Variants in GCH1 observed in about 807,000 individuals in gnomAD.
GCH1 encodes the protein GTP cyclohydrolase I.
GCH1 carries 5 observed loss-of-function variants against 25.9 expected under a neutral mutation model. The ratio of observed to expected loss-of-function variants is 0.19; its 90% CI spans 0.10 to 0.41. The LOEUF is 0.41. Ranked by LOEUF, GCH1 falls within the 10% of genes least tolerant of loss-of-function variation. The probability of loss-of-function intolerance (pLI) is 1.00; values close to 1 mark genes in which losing one functional copy is unlikely to be tolerated. For missense variants in GCH1, 261 were observed against 336.5 expected (o/e 0.78, Z 1.75); for synonymous variants, 159 against 129.6 (o/e 1.23, Z -1.54).
chr14:54,888,202 G>A (rs1032873095), intron 1 of GCH1, among the ~76,000 whole-genome samples: 8 of 152,146 alleles, frequency 5.3e-5, no homozygotes, highest in African/African-American at 7.2e-5. Flanking sequence ...CTATAGAAAC[G>A]ATTTGCAGGG....
chr14:54,871,441 A>G (rs1267320526), intron 1 of GCH1, among the ~76,000 whole-genome samples: 1 of 152,228 alleles, frequency 6.6e-6, no homozygotes, highest in Non-Finnish European at 1.5e-5. Flanking sequence ...ATCAGAGTGC[A>G]TCTCCTCCTC....
intron 3 of GCH1, among the ~76,000 whole-genome samples, chr14:54,847,510 A>G (rs1406273043): frequency 1.3e-5 from 2 of 152,176 alleles, no homozygotes; most frequent in Non-Finnish European, 2.9e-5. Context: ...CCCAGCCTAC[A>G]TCTTTCTCCA....
At chr14:54,856,717 T>C (rs1002880543) in intron 3 of GCH1, among the ~76,000 whole-genome samples, 1 of 152,160 alleles carries the variant, frequency 6.6e-6, no homozygotes, top group African/African-American at 2.4e-5. Flanking sequence ...CCTCCCAAAG[T>C]GCTGAGATTA....
At chr14:54,848,617 C>T (rs952058161) in intron 3 of GCH1, among the ~76,000 whole-genome samples, 1 of 152,096 alleles carries the variant, frequency 6.6e-6, no homozygotes, top group African/African-American at 2.4e-5. Flanking sequence ...TGGCTCTTCC[C>T]CCAACTACAC....
Position 54,865,425 on chromosome 14 carries a change from C to A in GCH1, c.355G>T (p.Asp119Tyr), listed in dbSNP as rs1221794990. Residue 119 changes from aspartate to tyrosine, a missense_variant, in exon 2 of 6, where the codon GAT (aspartate) becomes TAT (tyrosine). By Grantham distance (160) the Asp-to-Tyr change is radical (BLOSUM62 -3). Transcript: ENST00000491895. ...TCATGATCTTCATCAAATATAGCAT[C>A]GTTTAGGACATCTGAAATCAGAGGC... is the stretch of plus-strand genomic sequence containing the variant. ...YQETISDVLN[D>Y]AIFDEDHDEM... The A allele has an allele frequency of 3.3e-6, 5 of 1,528,736 alleles. No homozygotes were observed. The allele number at this position is 1,528,736 out of a possible 1,614,324, so 94.7% of individuals were successfully genotyped here.
intron 3 of GCH1, among the ~76,000 whole-genome samples, chr14:54,859,032 G>T (rs1358487057): frequency 1.3e-5 from 2 of 152,238 alleles, no homozygotes; most frequent in Admixed American, 1.3e-4. Flanking sequence ...CGTGAACACT[G>T]TATCAGAATA....
At chr14:54,891,455 G>A (rs982734053) in intron 1 of GCH1, among the ~76,000 whole-genome samples, 1 of 144,708 alleles carries the variant, frequency 6.9e-6, no homozygotes, top group African/African-American at 2.6e-5. Flanking sequence ...TGTCACCCAG[G>A]CTGGAATGCA....
chr14:54,849,339 T>TA (rs539195742), intron 3 of GCH1, among the ~76,000 whole-genome samples: 11,433 of 149,132 alleles, frequency 0.077, 611 homozygotes, highest in Non-Finnish European at 0.11. Flanking sequence ...TTCCCTAGAT[T>TA]AAAAAAAAAA....
At chr14:54,900,190 T>C (rs1378711876) in intron 1 of GCH1, among the ~76,000 whole-genome samples, 2 of 150,130 alleles carry the variant, frequency 1.3e-5, no homozygotes, top group Non-Finnish European at 3.0e-5. Context: ...TAGTAAAACT[T>C]GACCAGAACA....
chr14:54,842,900 C>T lies in GCH1; in HGVS notation c.*1117G>A. On this transcript the variant is annotated 3_prime_UTR_variant, in exon 6 of 6. Coordinates refer to ENST00000491895, the MANE Select transcript of GCH1 (RefSeq NM_000161.3). ...CAATGAGGACAAGACCCACATAGAC[C>T]ACAAAGGAAACCGGGACCAGAAGCT... is the stretch of plus-strand genomic sequence containing the variant. 1 of 600,390 alleles carries T rather than the reference C, an allele frequency of 1.7e-6. No individual in the cohort carries two copies. The highest frequency in any genetic ancestry group is 2.4e-5 in the South Asian group (1 of 41,112). The allele number at this position is 600,390 out of a possible 1,614,324, so 37.2% of individuals were successfully genotyped here.
At chr14:54,858,784 C>A (rs536839903) in intron 3 of GCH1, among the ~76,000 whole-genome samples, 1 of 152,050 alleles carries the variant, frequency 6.6e-6, no homozygotes, top group Non-Finnish European at 1.5e-5. Context: ...TAACTTTATA[C>A]GAAGAAACAA....
At chr14:54,853,149 A>G (rs1386941651) in intron 3 of GCH1, among the ~76,000 whole-genome samples, 1 of 152,078 alleles carries the variant, frequency 6.6e-6, no homozygotes, top group Non-Finnish European at 1.5e-5. Context: ...TTTTTAGTAG[A>G]GATGGGGTTT....
rs989328098 is a variant in GCH1, at chr14:54,844,033, G to A, written c.737C>T (p.Thr246Ile). Residue 246 changes from threonine (T) to isoleucine (I), a missense_variant, in exon 6 of 6, where the codon ACT becomes ATT. Thr to Ile is a moderately conservative substitution (Grantham distance 89, BLOSUM62 -1). Around this residue, in one of 3 missense-constraint regions of GCH1, gnomAD observed 130 missense variants for 184.1 expected, o/e 0.71. Coordinates refer to ENST00000491895, the MANE Select transcript of GCH1 (RefSeq NM_000161.3). ...GAATGAAGCTCAGCTCCTAATGAGA[G>A]TCAGGAACTCTTCCCGAGTCTTTGG... ...EDPKTREEFL[T>I]LIRS is the part of the protein sequence containing the mutation. 7.4e-6 allele frequency: 12 copies of A among 1,613,914 alleles called. No individual in the cohort carries two copies. Among genetic ancestry groups the A allele is most frequent in the African/African-American group, 2.7e-5 (2 of 74,938 alleles).
chr14:54,902,293 C>G, intron 1 of GCH1, 28 bp downstream of exon 1: 6 of 1,607,514 alleles, frequency 3.7e-6, no homozygotes, highest in South Asian at 1.1e-5. Context: ...GCCGCCCGCA[C>G]GCTCTAGCAG....
intron 2 of GCH1, among the ~76,000 whole-genome samples, chr14:54,860,879 T>C (rs2039886951): frequency 1.3e-5 from 2 of 152,192 alleles, no homozygotes; most frequent in African/African-American, 4.8e-5. Flanking sequence ...GCTACCACCA[T>C]GGCTTGGCAA....
At chr14:54,900,551 C>G (rs2140124518) in intron 1 of GCH1, among the ~76,000 whole-genome samples, 1 of 152,244 alleles carries the variant, frequency 6.6e-6, no homozygotes, top group African/African-American at 2.4e-5. Context: ...GTGTTCTTTG[C>G]AGTTATTAAT....
chr14:54,902,796 T>C lies in GCH1; in HGVS notation c.-133A>G. 2.4e-5 allele frequency: 28 copies of C among 1,172,944 alleles called. No individual in the cohort carries two copies. Among genetic ancestry groups the C allele is most frequent in the Non-Finnish European group, 3.0e-5 (28 of 918,574 alleles). 72.7% of individuals were successfully genotyped at this position (1,172,944 alleles called of 1,614,324 possible). ...GAGGAAGGTACGCAACCTGCTTAGA[T>C]CACACTCCGAGCCGGGAGCGGCCAC... On this transcript the variant is annotated 5_prime_UTR_variant, in exon 1 of 6. Coordinates refer to ENST00000491895, the MANE Select transcript of GCH1 (RefSeq NM_000161.3).
chr14:54,873,522 CA>C (rs1335999014), intron 1 of GCH1, among the ~76,000 whole-genome samples: 7 of 146,534 alleles, frequency 4.8e-5, no homozygotes, highest in Non-Finnish European at 1.1e-4. Flanking sequence ...GATAGAGACA[CA>C]AAAAAGCCTT....
At chr14:54,853,718 A>C (rs758972051) in intron 3 of GCH1, among the ~76,000 whole-genome samples, 2 of 151,538 alleles carry the variant, frequency 1.3e-5, no homozygotes, top group African/African-American at 4.9e-5. Flanking sequence ...AACTACATTA[A>C]TCAGTGAGAT....
Sources: gnomAD v4.1 joint callset for allele counts (sites outside exome capture counted in the v4.1 genomes callset) on GRCh38, gnomAD v4.1.1 for gene constraint, gnomAD v4.1.1 regional missense constraint, MANE v1.5 for transcripts, NCBI Gene and HGNC (gene_info 2026-07-23, HGNC 2026-07-21) for gene names.